The following ADAM32 variants were observed in gnomAD, a reference collection of about 807,000 sequenced individuals.
The protein encoded by ADAM32 is disintegrin and metalloproteinase domain-containing protein 32.
Under a neutral mutation model 114.9 loss-of-function variants are expected in ADAM32, and 89 were observed. That is an observed-to-expected ratio of 0.77 (90% confidence interval 0.65 to 0.92). The LOEUF is 0.92. Among genes scored for constraint, ADAM32 ranks in the 40% least tolerant of loss-of-function variants. The probability of loss-of-function intolerance (pLI) is 0.00; values close to 1 mark genes in which losing one functional copy is unlikely to be tolerated. For missense variants in ADAM32, 870 were observed against 932.8 expected, an observed-to-expected ratio of 0.93 and a Z score of 0.88; for synonymous variants, 285 against 307.5, an observed-to-expected ratio of 0.93 and a Z score of 0.77.
At chr8:39,141,223 T>C (rs867484961) in intron 3 of ADAM32, among the ~76,000 whole-genome samples, 30 of 152,228 alleles carry the variant, frequency 2.0e-4, no homozygotes, top group African/African-American at 7.2e-4. Context: ...ATTTCTTGCC[T>C]TCTGCTAGCT....
chr8:39,213,564 A>T (rs1808368254), intron 12 of ADAM32, among the ~76,000 whole-genome samples: 1 of 152,106 alleles, frequency 6.6e-6, no homozygotes, highest in East Asian at 1.9e-4. Flanking sequence ...CATCTACCAT[A>T]TATTTATGGG....
intron 17 of ADAM32, 78 bp from the exon 18 acceptor site, chr8:39,254,336 T>C: frequency 8.2e-7 from 1 of 1,226,188 alleles, no homozygotes; most frequent in Non-Finnish European, 1.1e-6. Flanking sequence ...TAGATTATGG[T>C]ACAAAAGTAA....
intron 11 of ADAM32, among the ~76,000 whole-genome samples, chr8:39,206,209 G>T (rs954978220): frequency 2.0e-5 from 3 of 152,200 alleles, no homozygotes; most frequent in Non-Finnish European, 2.9e-5. Flanking sequence ...AGTGGAGGCT[G>T]TGGTGAGGTT....
At chr8:39,118,011 T>C (rs544704158) in intron 1 of ADAM32, 75 bp from the exon 2 acceptor site, 1 of 1,028,014 alleles carries the variant, frequency 9.7e-7, no homozygotes, top group East Asian at 3.0e-5. Context: ...AAGTAAACTT[T>C]ATGAAAGAAA....
intron 11 of ADAM32, among the ~76,000 whole-genome samples, chr8:39,189,613 G>A (rs1806470753): frequency 6.6e-6 from 1 of 151,936 alleles, no homozygotes; most frequent in South Asian, 2.1e-4. Context: ...TATTTGTGTT[G>A]AAAACATCAA....
chr8:39,107,961 C>A, intron 1 of ADAM32, 128 bp downstream of exon 1: 1 of 1,291,152 alleles, frequency 7.7e-7, no homozygotes, highest in Non-Finnish European at 1.0e-6. Context: ...GGGCCTTTTC[C>A]AGGGGATTAG....
intron 16 of ADAM32, 66 bp from the exon 17 acceptor site, chr8:39,246,017 A>T: frequency 8.3e-7 from 1 of 1,197,802 alleles, no homozygotes; most frequent in Non-Finnish European, 1.2e-6. Context: ...ATAATTATTT[A>T]CTGTAATGTT....
chr8:39,196,694 A>G lies in ADAM32; in HGVS notation c.1052+9649A>G, dbSNP rs191385874. ...ATCTTGGTATAAATCATACTTGATC[A>G]TTATATAATATATCTCCTTGATGTG... is the stretch of plus-strand genomic sequence containing the variant. On this transcript the variant is annotated intron_variant, in intron 11 of 24. Transcript: ENST00000379907. Among the ~76,000 whole-genome samples the G allele has an allele frequency of 9.3e-4, 142 of 152,220 alleles. 1 individual carries two copies. Among genetic ancestry groups the G allele is most frequent in the Non-Finnish European group, 1.6e-3 (111 of 67,982 alleles).
At chr8:39,160,637 A>G (rs2129445995) in intron 6 of ADAM32, among the ~76,000 whole-genome samples, 1 of 152,032 alleles carries the variant, frequency 6.6e-6, no homozygotes, top group East Asian at 1.9e-4. Flanking sequence ...GTAGATGGAA[A>G]TGCTAGGTGT....
chr8:39,198,815 T>G lies in ADAM32; in HGVS notation c.1052+11770T>G, dbSNP rs1047702333. On this transcript the variant is annotated intron_variant, in intron 11 of 24. Coordinates refer to ENST00000379907, the MANE Select transcript of ADAM32 (RefSeq NM_145004.7). ...TCTATTCCACCAGTGAGTTGTACAC[T>G]TGTATGTGTTTTCAGGATGGTAGCT... Among the ~76,000 whole-genome samples, 8 of 152,196 alleles carry G rather than the reference T, an allele frequency of 5.3e-5. No individual in the cohort carries two copies. The East Asian group carries it at 1.3e-3, about 26-fold the overall frequency.
chr8:39,210,550 A>G (rs750351265), intron 11 of ADAM32, among the ~76,000 whole-genome samples: 2 of 152,162 alleles, frequency 1.3e-5, no homozygotes, highest in South Asian at 2.1e-4. Flanking sequence ...TTTCAAGACA[A>G]TGTGCACAGC....
chr8:39,180,181 C>T (rs941466095), intron 10 of ADAM32, among the ~76,000 whole-genome samples: 24 of 152,194 alleles, frequency 1.6e-4, no homozygotes, highest in African/African-American at 2.4e-4. Context: ...TCCGGGTGGG[C>T]GTGGGCTTGG....
At chr8:39,211,439 G>C in intron 12 of ADAM32, 115 bp downstream of exon 12, 1 of 1,049,782 alleles carries the variant, frequency 9.5e-7, no homozygotes, top group Non-Finnish European at 1.3e-6. Flanking sequence ...TTGACAGTAA[G>C]TGAAGTTGGG....
intron 6 of ADAM32, among the ~76,000 whole-genome samples, chr8:39,152,576 G>C (rs548593416): frequency 6.6e-6 from 1 of 152,162 alleles, no homozygotes; most frequent in Admixed American, 6.5e-5. Flanking sequence ...ACAAAGATTA[G>C]TCAGGCATGG....
rs78672040 is a variant in ADAM32, at chr8:39,199,334, A to C, written c.1053-11810A>C. On this transcript the variant is annotated intron_variant, in intron 11 of 24. Coordinates refer to ENST00000379907, the MANE Select transcript of ADAM32 (RefSeq NM_145004.7). ...TTACGTCTCTTCTCCTTCTAGTCCC[A>C]AAATGTGAATATTTTGTTCCTGTAT... is the stretch of plus-strand genomic sequence containing the variant. 4.2e-3 allele frequency among the ~76,000 whole-genome samples: 633 copies of C among 152,286 alleles called. 3 individuals are homozygous for C. The highest frequency in any genetic ancestry group is 0.014 in the African/African-American group (601 of 41,562).
chr8:39,223,367 A>T, intron 14 of ADAM32, 129 bp downstream of exon 14: 1 of 454,566 alleles, frequency 2.2e-6, no homozygotes, highest in Non-Finnish European at 3.5e-6. Context: ...AATATTGTTT[A>T]TATATATTTT....
At chr8:39,201,862 C>G (rs1396163572) in intron 11 of ADAM32, among the ~76,000 whole-genome samples, 1 of 152,128 alleles carries the variant, frequency 6.6e-6, no homozygotes, top group Admixed American at 6.6e-5. Context: ...TATCAAAGGC[C>G]TTTTCTGCAT....
At position 39,226,191 on chromosome 8, in the gene ADAM32, G is replaced by A. The variant is rs1809359089; in HGVS notation, c.1525+2953G>A. 2.6e-5 allele frequency among the ~76,000 whole-genome samples: 4 copies of A among 151,934 alleles called. No homozygotes were observed. The South Asian group carries it at 8.3e-4, about 32-fold the overall frequency. ...ATTACTTGTATATATACAACTAGAGGAGAAATAAGAAAAAAGAATGAAAAG... is the reference window on the plus strand; with the variant it reads ...ATTACTTGTATATATACAACTAGAGAAGAAATAAGAAAAAAGAATGAAAAG... On this transcript the variant is annotated intron_variant, in intron 14 of 24. Transcript: ENST00000379907.
chr8:39,190,359 G>A (rs897690466), intron 11 of ADAM32, among the ~76,000 whole-genome samples: 1 of 152,108 alleles, frequency 6.6e-6, no homozygotes, highest in African/African-American at 2.4e-5. Flanking sequence ...AAACATGAAG[G>A]TTCAGGTATC....
Sources: gnomAD v4.1 joint callset for allele counts (sites outside exome capture counted in the v4.1 genomes callset) on GRCh38, gnomAD v4.1.1 for gene constraint, MANE v1.5 for transcripts, NCBI Gene and HGNC (gene_info 2026-07-23, HGNC 2026-07-21) for gene names.